MX2: variants seen among roughly 807,000 people sequenced by gnomAD.
The protein encoded by MX2 is interferon-induced GTP-binding protein Mx2.
A neutral mutation model predicts 74.0 loss-of-function variants in MX2; 51 were observed. That is an observed-to-expected ratio of 0.69 (90% confidence interval 0.55 to 0.87). MX2 has a LOEUF of 0.87. Ranked by LOEUF, MX2 falls within the 40% of genes least tolerant of loss-of-function variation. The probability of loss-of-function intolerance (pLI) is 0.00; values close to 1 mark genes in which losing one functional copy is unlikely to be tolerated. For synonymous variants in MX2, 369 were observed against 339.3 expected (o/e 1.09, Z -0.96); for missense variants, 832 against 908.7 (o/e 0.92, Z 1.09).
chr21:41,398,308 T>C (rs1367005217), intron 8 of MX2, among the ~76,000 whole-genome samples: 1 of 147,514 alleles, frequency 6.8e-6, no homozygotes, highest in South Asian at 2.1e-4. Context: ...AAATTCCATC[T>C]AAAAAAAAAA....
Position 41,408,008 on chromosome 21 carries a change from C to G in MX2, c.1923C>G (p.Leu641=). The G allele has an allele frequency of 6.2e-7, 1 of 1,614,156 alleles. No individual in the cohort carries two copies. The highest frequency in any genetic ancestry group is 8.5e-7 in the Non-Finnish European group (1 of 1,180,030). The change falls in exon 14 of 14, where the codon CTC becomes CTG. Residue 641 remains leucine, a synonymous_variant. Transcript: ENST00000330714. ...NAYFLETSKR[L]ANQIPFIIQY... is the part of the protein sequence containing the mutation. ...TCTTCCAGGAAACCAGCAAACGTCTCGCCAACCAGATCCCATTTATAATTC... is the reference window on the plus strand; with the variant it reads ...TCTTCCAGGAAACCAGCAAACGTCTGGCCAACCAGATCCCATTTATAATTC...
chr21:41,379,487 A>G (rs980925108), intron 3 of MX2, among the ~76,000 whole-genome samples: 11 of 152,122 alleles, frequency 7.2e-5, no homozygotes, highest in African/African-American at 2.7e-4. Flanking sequence ...CTTCTCCTCC[A>G]GGCTTTCACC....
intron 13 of MX2, 53 bp downstream of exon 13, chr21:41,407,051 T>C (rs2089896454): frequency 1.3e-6 from 2 of 1,580,272 alleles, no homozygotes; most frequent in Non-Finnish European, 1.7e-6. Flanking sequence ...CAGAGCTGAG[T>C]AGGGGCTATG....
At chr21:41,378,373 G>A (rs2089442903) in intron 3 of MX2, among the ~76,000 whole-genome samples, 1 of 152,252 alleles carries the variant, frequency 6.6e-6, no homozygotes, top group South Asian at 2.1e-4. Flanking sequence ...CTCAGGCCTG[G>A]TGGCAGGGGG....
intron 5 of MX2, 131 bp downstream of exon 5, chr21:41,382,695 C>A: frequency 8.2e-7 from 1 of 1,216,508 alleles, no homozygotes; most frequent in Non-Finnish European, 1.1e-6. Flanking sequence ...TAAGACCTGC[C>A]CAGGTGGGGG....
intron 1 of MX2, among the ~76,000 whole-genome samples, 166 bp downstream of exon 1, chr21:41,362,221 C>T (rs1334538568): frequency 1.3e-5 from 2 of 152,036 alleles, no homozygotes; most frequent in African/African-American, 2.4e-5. Flanking sequence ...GCAGAAAGGG[C>T]CCATGTTGCC....
In MX2 at chr21:41,408,332, G is replaced by A; in HGVS notation, c.*99G>A. 6.8e-7 allele frequency: 1 copy of A among 1,475,998 alleles called. No individual in the cohort carries two copies. Among genetic ancestry groups the A allele is most frequent in the Non-Finnish European group, 9.2e-7 (1 of 1,091,200 alleles). The allele number at this position is 1,475,998 out of a possible 1,614,324, so 91.4% of individuals were successfully genotyped here. On this transcript the variant is annotated 3_prime_UTR_variant, in exon 14 of 14. Coordinates refer to ENST00000330714, the MANE Select transcript of MX2 (RefSeq NM_002463.2). ...TTCTGCTTTGGGGCCAAACTCTTCT[G>A]TCACTATCAGTGTCCATCTCTACTG...
Position 41,382,555 on chromosome 21 carries a change from C to G in MX2, c.723C>G (p.Ile241Met). 1 of 1,614,148 alleles carries G rather than the reference C, an allele frequency of 6.2e-7. No individual in the cohort carries two copies. Among genetic ancestry groups the G allele is most frequent in the Non-Finnish European group, 8.5e-7 (1 of 1,180,022 alleles). The stretch of plus-strand genomic sequence containing the variant: ...CTGTGGACAACCAGCCCCGAGACAT[C>G]GGACTGCAGGTGAGCCCTTCTGGAA... ...RVAVDNQPRDIGLQIKALIKK... is the reference protein window; with the variant it reads ...RVAVDNQPRDMGLQIKALIKK... Residue 241 changes from isoleucine to methionine, a missense_variant, in exon 5 of 14, where the codon ATC becomes ATG. Physicochemically the swap from Ile to Met is conservative, Grantham distance 10. Coordinates refer to ENST00000330714, the MANE Select transcript of MX2 (RefSeq NM_002463.2).
rs1454732190 is a variant in MX2 at position 41,376,951 on chromosome 21, A to AT, written c.49dup (p.Ser17PhefsTer86). On this transcript the variant is annotated frameshift_variant, in exon 2 of 14. Coordinates refer to ENST00000330714, the MANE Select transcript of MX2 (RefSeq NM_002463.2). LOFTEE classifies it high-confidence loss of function. ...CTTGGCCCTACCGGAGGAGAAGTCA[A>AT]TTTTCTTCTCGAAAATACCTGAAAA... 1 of 1,614,034 alleles carries AT rather than the reference A, an allele frequency of 6.2e-7. No homozygotes were observed. Among genetic ancestry groups the AT allele is most frequent in the Non-Finnish European group, 8.5e-7 (1 of 1,180,026 alleles).
chr21:41,395,023 G>T (rs1365839548), intron 6 of MX2, among the ~76,000 whole-genome samples: 1 of 151,964 alleles, frequency 6.6e-6, no homozygotes, highest in Non-Finnish European at 1.5e-5. Flanking sequence ...AGAAAGAAAA[G>T]TGCTTTTCAA....
In MX2 at chr21:41,386,300, G is replaced by A. The variant is rs149186968; in HGVS notation, c.732+3736G>A. 3.4e-3 allele frequency among the ~76,000 whole-genome samples: 512 copies of A among 148,586 alleles called. 3 individuals carry two copies. The highest frequency in any genetic ancestry group is 0.029 in the South Asian group (134 of 4,690). On this transcript the variant is annotated intron_variant, in intron 5 of 13. Transcript: ENST00000330714. ...AAGCACAATAAAAGGAGGTTTGCCC[G>A]TGCACACTCTCTCCACATCTGAGCC... is the stretch of plus-strand genomic sequence containing the variant.
At chr21:41,397,340 A>G (rs985591464) in intron 7 of MX2, among the ~76,000 whole-genome samples, 2 of 152,244 alleles carry the variant, frequency 1.3e-5, no homozygotes, top group South Asian at 2.1e-4. Flanking sequence ...AACTCACTTA[A>G]TCTCCATGAG....
chr21:41,395,881 T>C, intron 7 of MX2, 96 bp downstream of exon 7: 2 of 1,226,008 alleles, frequency 1.6e-6, no homozygotes, highest in East Asian at 4.9e-5. Context: ...TATGCACAAA[T>C]TACACAAGGT....
chr21:41,369,617 G>C (rs753928261), intron 1 of MX2, among the ~76,000 whole-genome samples: 23 of 152,264 alleles, frequency 1.5e-4, no homozygotes, highest in Non-Finnish European at 3.2e-4. Context: ...CTGGCCTCAG[G>C]GTTTCTGGAA....
intron 1 of MX2, among the ~76,000 whole-genome samples, chr21:41,362,634 C>T (rs887730312): frequency 1.1e-4 from 16 of 151,954 alleles, no homozygotes; most frequent in African/African-American, 3.4e-4. Context: ...GGGCCAACTC[C>T]AGCACTCTGG....
chr21:41,373,531 C>G (rs1206560097), intron 1 of MX2, among the ~76,000 whole-genome samples: 2 of 152,142 alleles, frequency 1.3e-5, no homozygotes, highest in East Asian at 3.9e-4. Context: ...GTGTGGCTCC[C>G]CCTCCAGCTG....
intron 1 of MX2, among the ~76,000 whole-genome samples, chr21:41,362,402 G>A (rs76309816): frequency 0.025 from 3,775 of 152,084 alleles, 102 homozygotes; most frequent in African/African-American, 0.064. Context: ...GGTTGAGTAA[G>A]GAGCTTTGTG....
rs1420582978 is a variant in MX2, at chr21:41,362,753, T to TC, written c.-72+698_-72+699insC. ...ATTGATGACGCAGTTTTTTTTTCTT[T>TC]TTTTTTTTTTTTTTTTTTTTTTTGA... On this transcript the variant is annotated intron_variant, in intron 1 of 13. Coordinates refer to ENST00000330714, the MANE Select transcript of MX2 (RefSeq NM_002463.2). Among the ~76,000 whole-genome samples, 8 of 64,774 alleles carry TC rather than the reference T, an allele frequency of 1.2e-4. No individual in the cohort carries two copies. In the South Asian group the frequency reaches 4.8e-3, roughly 39 times the overall value. 42.5% of individuals were successfully genotyped at this position (64,774 alleles called of 152,430 possible). A position where few individuals can be genotyped will look rare whatever the true frequency, so the allele number is the denominator to read the frequency against.
chr21:41,403,406 T>G, intron 12 of MX2, 63 bp downstream of exon 12: 3 of 1,363,700 alleles, frequency 2.2e-6, no homozygotes, highest in Non-Finnish European at 3.1e-6. Context: ...TTGAGAGAAG[T>G]TGGATATTCA....
Sources: gnomAD v4.1 joint callset for allele counts (sites outside exome capture counted in the v4.1 genomes callset) on GRCh38, gnomAD v4.1.1 for gene constraint, MANE v1.5 for transcripts, NCBI Gene and HGNC (gene_info 2026-07-23, HGNC 2026-07-21) for gene names.